EVL: variants seen among roughly 807,000 people sequenced by gnomAD.
The protein encoded by EVL is ena/VASP-like protein.
Under a neutral mutation model 59.6 loss-of-function variants are expected in EVL, and 21 were observed. That is an observed-to-expected ratio of 0.35 (90% CI 0.25 to 0.51). The LOEUF (loss-of-function observed/expected upper bound fraction) is 0.51, where lower values mean the gene tolerates loss of function less well. Ranked by LOEUF, EVL falls within the 20% of genes least tolerant of loss-of-function variation. The probability of loss-of-function intolerance (pLI) is 0.97; values close to 1 mark genes in which losing one functional copy is unlikely to be tolerated. For missense variants in EVL, 462 were observed against 546.6 expected, an observed-to-expected ratio of 0.85 and a Z score of 1.54; for synonymous variants, 198 against 203.5, an observed-to-expected ratio of 0.97 and a Z score of 0.23.
At chr14:99,983,302 A>G (rs1174152087) in intron 1 of EVL, among the ~76,000 whole-genome samples, 1 of 152,238 alleles carries the variant, frequency 6.6e-6, no homozygotes, top group East Asian at 1.9e-4. Context: ...CGTAGAGGCG[A>G]TAATTGTACC....
At chr14:100,141,852 C>G (rs1889189299) in intron 13 of EVL, 59 bp downstream of exon 13, 1 of 1,555,094 alleles carries the variant, frequency 6.4e-7, no homozygotes, top group Admixed American at 1.8e-5. Flanking sequence ...ACAAGGGTCC[C>G]TGTCACCCAG....
chr14:100,007,571 G>T (rs2060990625), intron 1 of EVL, among the ~76,000 whole-genome samples: 1 of 152,196 alleles, frequency 6.6e-6, no homozygotes, highest in Non-Finnish European at 1.5e-5. Context: ...GATACCCTTG[G>T]GAACTAGATA....
chr14:100,116,447 C>T (rs1887352583), intron 3 of EVL, among the ~76,000 whole-genome samples: 1 of 152,190 alleles, frequency 6.6e-6, no homozygotes, highest in South Asian at 2.1e-4. Context: ...CCCATAGAGA[C>T]TAACTGGAAA....
At chr14:100,118,640 A>G (rs2140358928) in intron 3 of EVL, among the ~76,000 whole-genome samples, 1 of 151,720 alleles carries the variant, frequency 6.6e-6, no homozygotes, top group East Asian at 1.9e-4. Context: ...TCCTGGCCCC[A>G]CTCCCCATCA....
intron 1 of EVL, among the ~76,000 whole-genome samples, chr14:99,990,553 T>C (rs1221988855): frequency 6.6e-6 from 1 of 152,176 alleles, no homozygotes. Flanking sequence ...GTTTCTATGA[T>C]TTTGACTACT....
At chr14:100,058,761 A>G (rs1394622078) in intron 1 of EVL, among the ~76,000 whole-genome samples, 1 of 152,178 alleles carries the variant, frequency 6.6e-6, no homozygotes, top group Non-Finnish European at 1.5e-5. Context: ...TCCCTATCTC[A>G]TAGCACCCTA....
intron 1 of EVL, among the ~76,000 whole-genome samples, chr14:100,065,740 T>A (rs2140270341): frequency 6.6e-6 from 1 of 152,264 alleles, no homozygotes; most frequent in African/African-American, 2.4e-5. Flanking sequence ...TCTTGATGCC[T>A]GTGACCTTTA....
rs1889145220 is a variant in EVL at position 100,141,235 on chromosome 14, C to T, written c.1150C>T (p.Arg384Trp). The T allele has an allele frequency of 1.9e-6, 3 of 1,613,756 alleles. No homozygotes were observed. The highest frequency in any genetic ancestry group is 1.3e-5 in the African/African-American group (1 of 75,022). Residue 384 changes from arginine to tryptophan, a missense_variant, in exon 12 of 14, where the codon CGG (arginine) becomes TGG (tryptophan). Coordinates refer to ENST00000392920, the MANE Select transcript of EVL (RefSeq NM_016337.3). Reference sequence around the variant, plus strand: ...GGCCCTGGATGCCTTCGACTTGGACCGGATGAAGCAGGTGAGCATGCCCTG... The same window carrying T: ...GGCCCTGGATGCCTTCGACTTGGACTGGATGAAGCAGGTGAGCATGCCCTG... The part of the protein sequence containing the change: ...DMALDAFDLD[R>W]MKQEILEEVV...
At chr14:100,137,830 T>A (rs1395775826) in intron 11 of EVL, 28 bp downstream of exon 11, 1 of 1,611,088 alleles carries the variant, frequency 6.2e-7, no homozygotes, top group African/African-American at 1.3e-5. Context: ...TGCTCACATG[T>A]CCCCCAGGGT....
chr14:100,042,705 C>T (rs565313624), intron 1 of EVL, among the ~76,000 whole-genome samples: 3 of 152,166 alleles, frequency 2.0e-5, no homozygotes, highest in Non-Finnish European at 4.4e-5. Flanking sequence ...GCACATTCTC[C>T]TGAAAAAGTA....
intron 1 of EVL, among the ~76,000 whole-genome samples, chr14:100,006,023 C>CA (rs1555411927): frequency 3.7e-5 from 4 of 107,912 alleles, no homozygotes; most frequent in African/African-American, 6.4e-5. Flanking sequence ...CCCCCCCCCC[C>CA]ACACCGACAA....
At chr14:100,075,815 C>T (rs1312149501) in intron 1 of EVL, among the ~76,000 whole-genome samples, 1 of 152,238 alleles carries the variant, frequency 6.6e-6, no homozygotes, top group Non-Finnish European at 1.5e-5. Flanking sequence ...ACCCTCATGT[C>T]TTGCCTGTTA....
At chr14:100,110,160 T>C (rs957270845) in intron 3 of EVL, among the ~76,000 whole-genome samples, 1 of 152,140 alleles carries the variant, frequency 6.6e-6, no homozygotes, top group Non-Finnish European at 1.5e-5. Flanking sequence ...ATCACTTCAG[T>C]GTGAGAGTTC....
At chr14:100,097,731 C>T (rs1885917856) in intron 3 of EVL, 73 bp downstream of exon 3, 1 of 1,426,754 alleles carries the variant, frequency 7.0e-7, no homozygotes, top group Non-Finnish European at 9.5e-7. Context: ...ACAGCTCTGG[C>T]TCTCCGGGTA....
intron 4 of EVL, among the ~76,000 whole-genome samples, chr14:100,123,984 A>C (rs1050003801): frequency 7.9e-5 from 12 of 152,178 alleles, no homozygotes; most frequent in African/African-American, 1.2e-4. Context: ...AGTCACGCCC[A>C]TGGGATGGGG....
intron 3 of EVL, among the ~76,000 whole-genome samples, chr14:100,121,683 T>C (rs1020865033): frequency 6.6e-6 from 1 of 152,020 alleles, no homozygotes; most frequent in Non-Finnish European, 1.5e-5. Flanking sequence ...TGGGAGGGTG[T>C]TGGGAGGACG....
intron 1 of EVL, among the ~76,000 whole-genome samples, chr14:100,047,526 C>T (rs1032430711): frequency 6.6e-6 from 1 of 152,186 alleles, no homozygotes; most frequent in Non-Finnish European, 1.5e-5. Flanking sequence ...ACAGACAGCC[C>T]TGCTTTCCTC....
At chr14:99,992,215 A>G (rs906125843) in intron 1 of EVL, among the ~76,000 whole-genome samples, 16 of 152,168 alleles carry the variant, frequency 1.1e-4, no homozygotes, top group Non-Finnish European at 1.5e-5. Context: ...GATGTTGAAC[A>G]TCTTTTCATA....
chr14:99,971,725 A>C (rs2060733254), exon 1 of EVL: 1 of 140,946 alleles, frequency 7.1e-6, no homozygotes, highest in Non-Finnish European at 1.6e-5. Flanking sequence ...CCCGGACCCC[A>C]GCCGGCTCGC....
Sources: allele counts gnomAD v4.1 joint callset (sites outside exome capture counted in the v4.1 genomes callset), GRCh38; gene constraint gnomAD v4.1.1; transcripts MANE v1.5; gene names NCBI Gene and HGNC (gene_info 2026-07-23, HGNC 2026-07-21).